Variants in STMP1 observed in about 807,000 individuals in gnomAD.
STMP1 encodes the protein short transmembrane mitochondrial protein 1, also known as mitolamban.
A neutral mutation model predicts 7.0 loss-of-function variants in STMP1; 7 were observed. That is an observed-to-expected ratio of 1.01 (90% CI 0.57 to 1.89). The LOEUF is 1.89. STMP1 is among the 40% of genes most tolerant of loss of function. The probability of loss-of-function intolerance (pLI) is 0.00; values close to 1 mark genes in which losing one functional copy is unlikely to be tolerated. For synonymous variants in STMP1, 19 were observed against 18.4 expected (o/e 1.03, Z -0.08); for missense variants, 45 against 53.0 (o/e 0.85, Z 0.47).
chr7:135,665,410 G>A (rs1795281683), intron 1 of STMP1, among the ~76,000 whole-genome samples: 1 of 152,006 alleles, frequency 6.6e-6, no homozygotes, highest in African/African-American at 2.4e-5. Flanking sequence ...CCTTGTTCCT[G>A]TGATTTTCCC....
At position 135,672,808 on chromosome 7, in the gene STMP1, T is replaced by G; in HGVS notation, c.69+2T>G. ...ATGTATCTGGCTCAGAACTATGATG[T>G]AAGTGGCCATATCCATGACTTCCTT... On this transcript the variant is annotated splice_donor_variant, in intron 2 of 2. Transcript: ENST00000507606. LOFTEE classifies it high-confidence loss of function. 6.4e-7 allele frequency: 1 copy of G among 1,550,640 alleles called. No homozygotes were observed. Among genetic ancestry groups the G allele is most frequent in the Non-Finnish European group, 8.7e-7 (1 of 1,146,004 alleles).
chr7:135,669,662 C>T (rs1402062695), intron 1 of STMP1, among the ~76,000 whole-genome samples: 2 of 152,146 alleles, frequency 1.3e-5, no homozygotes, highest in Non-Finnish European at 2.9e-5. Flanking sequence ...CTTAACACCC[C>T]CAGCAGCATC....
intron 1 of STMP1, among the ~76,000 whole-genome samples, chr7:135,664,299 AGAAT>A: frequency 6.6e-6 from 1 of 151,828 alleles, no homozygotes; most frequent in Non-Finnish European, 1.5e-5. Context: ...GTGGTTTTGC[AGAAT>A]GAGTCTATTT....
At chr7:135,662,651 T>C in intron 1 of STMP1, 57 bp downstream of exon 1, 1 of 1,533,838 alleles carries the variant, frequency 6.5e-7, no homozygotes. Flanking sequence ...TCGGACCCCA[T>C]TTCCCCCTTG....
chr7:135,666,600 C>A (rs1326047597), intron 1 of STMP1, among the ~76,000 whole-genome samples: 2 of 152,156 alleles, frequency 1.3e-5, no homozygotes, highest in African/African-American at 2.4e-5. Flanking sequence ...CCTCTGCCTC[C>A]CAAAGTGCTG....
At chr7:135,663,866 G>A (rs757453387) in intron 1 of STMP1, among the ~76,000 whole-genome samples, 13 of 151,824 alleles carry the variant, frequency 8.6e-5, no homozygotes, top group Non-Finnish European at 1.8e-4. Flanking sequence ...GGATGGTCTC[G>A]ATCTCCTGAC....
chr7:135,666,865 G>A (rs1041885889), intron 1 of STMP1, among the ~76,000 whole-genome samples: 23 of 152,312 alleles, frequency 1.5e-4, no homozygotes, highest in African/African-American at 5.5e-4. Context: ...ATGTATTTCA[G>A]TTCTGTTGAG....
At position 135,674,601 on chromosome 7, in the gene STMP1, T is replaced by C. The variant is rs141367734; in HGVS notation, c.*436T>C. The C allele has an allele frequency of 3.4e-4, 53 of 153,994 alleles. 1 individual carries two copies. The highest frequency in any genetic ancestry group is 4.0e-4 in the Non-Finnish European group (28 of 69,224). The allele number at this position is 153,994 out of a possible 1,614,324, so 9.5% of individuals were successfully genotyped here. A position where few individuals can be genotyped will look rare whatever the true frequency, so the allele number is the denominator to read the frequency against. ...TTAAACATTTGGTACTAAATTATGT[T>C]GCTGCAAAGTAATTAAAATTAGTAT... On this transcript the variant is annotated 3_prime_UTR_variant, in exon 3 of 3. Transcript: ENST00000507606.
chr7:135,675,334 A>T lies in STMP1; in HGVS notation c.*1169A>T, dbSNP rs537453635. 131 of 151,934 alleles carry T rather than the reference A, an allele frequency of 8.6e-4. No individual in the cohort carries two copies. Among genetic ancestry groups the T allele is most frequent in the African/African-American group, 3.0e-3 (123 of 41,498 alleles). The allele number at this position is 151,934 out of a possible 1,614,324, so 9.4% of individuals were successfully genotyped here. On this transcript the variant is annotated 3_prime_UTR_variant, in exon 3 of 3. Coordinates refer to ENST00000507606, the MANE Select transcript of STMP1 (RefSeq NM_001130929.2). ...ACAAACACGTGTAACACAAATAGTA[A>T]CTATACATGGAGGTCTAGCCCTCGC...
rs1795399339 is a variant in STMP1 at position 135,675,251 on chromosome 7, T to A, written c.*1086T>A. ...CCTGTTCTCTGGCTCCTGGCTCCTG[T>A]TTGACAAGTTACTGTTACCACTTCG... On this transcript the variant is annotated 3_prime_UTR_variant, in exon 3 of 3. Coordinates refer to ENST00000507606, the MANE Select transcript of STMP1 (RefSeq NM_001130929.2). 1 of 152,230 alleles carries A rather than the reference T, an allele frequency of 6.6e-6. No homozygotes were observed. Among genetic ancestry groups the A allele is most frequent in the African/African-American group, 2.4e-5 (1 of 41,466 alleles). The allele number at this position is 152,230 out of a possible 1,614,324, so 9.4% of individuals were successfully genotyped here.
chr7:135,674,974 A>T lies in STMP1; in HGVS notation c.*809A>T, dbSNP rs886796285. 3 of 152,180 alleles carry T rather than the reference A, an allele frequency of 2.0e-5. No individual in the cohort carries two copies. The highest frequency in any genetic ancestry group is 7.2e-5 in the African/African-American group (3 of 41,438). The allele number at this position is 152,180 out of a possible 1,614,324, so 9.4% of individuals were successfully genotyped here. A position where few individuals can be genotyped will look rare whatever the true frequency, so the allele number is the denominator to read the frequency against. On this transcript the variant is annotated 3_prime_UTR_variant, in exon 3 of 3. Coordinates refer to ENST00000507606, the MANE Select transcript of STMP1 (RefSeq NM_001130929.2). ...CCTTTTCACATTAAAAAAGGTATTT[A>T]TATTATTACTTTGTAGTGATTGTCT...
Position 135,674,330 on chromosome 7 carries a change from T to C in STMP1, c.*165T>C, listed in dbSNP as rs1795387765. On this transcript the variant is annotated 3_prime_UTR_variant, in exon 3 of 3. Coordinates refer to ENST00000507606, the MANE Select transcript of STMP1 (RefSeq NM_001130929.2). ...TAAAGCAAGCAAAATGGGGCCCCAATTTGAGAACTACCCGACATTTCCAAC... is the reference window on the plus strand; with the variant it reads ...TAAAGCAAGCAAAATGGGGCCCCAACTTGAGAACTACCCGACATTTCCAAC... The C allele has an allele frequency of 7.0e-6, 4 of 568,236 alleles. No homozygotes were observed. The South Asian group carries it at 7.8e-5, about 11-fold the overall frequency. 35.2% of individuals were successfully genotyped at this position (568,236 alleles called of 1,614,324 possible).
At chr7:135,662,680 G>T in intron 1 of STMP1, 86 bp downstream of exon 1, 2 of 1,468,274 alleles carry the variant, frequency 1.4e-6, no homozygotes, top group South Asian at 1.3e-5. Context: ...CGACCCCGCC[G>T]ACCCGGCCTG....
At chr7:135,663,537 T>G (rs1209966785) in intron 1 of STMP1, among the ~76,000 whole-genome samples, 1 of 151,890 alleles carries the variant, frequency 6.6e-6, no homozygotes, top group African/African-American at 2.4e-5. Flanking sequence ...TAGAGACGGG[T>G]TTCACCAAGT....
chr7:135,662,684 C>T (rs1006610692), intron 1 of STMP1, 90 bp downstream of exon 1: 6 of 1,454,674 alleles, frequency 4.1e-6, no homozygotes, highest in Admixed American at 4.4e-5. Flanking sequence ...CCCGCCGACC[C>T]GGCCTGGGCG....
Position 135,662,571 on chromosome 7 carries a change from A to G in STMP1, c.-9A>G, listed in dbSNP as rs1167801149. 3 of 1,546,428 alleles carry G rather than the reference A, an allele frequency of 1.9e-6. No individual in the cohort carries two copies. The highest frequency in any genetic ancestry group is 2.4e-5 in the South Asian group (2 of 83,806). ...CCTTCGCGCCCTCCTCGCCCTCCCC[A>G]CCGACATCATGCTCCAGTTCCTGGT... On this transcript the variant is annotated 5_prime_UTR_variant, in exon 1 of 3. Coordinates refer to ENST00000507606, the MANE Select transcript of STMP1 (RefSeq NM_001130929.2).
chr7:135,675,621 T>C lies in STMP1; in HGVS notation c.*1456T>C, dbSNP rs779346867. The C allele has an allele frequency of 1.5e-4, 23 of 152,300 alleles. No individual in the cohort carries two copies. Among genetic ancestry groups the C allele is most frequent in the Admixed American group, 2.6e-4 (4 of 15,292 alleles). 9.4% of individuals were successfully genotyped at this position (152,300 alleles called of 1,614,324 possible). A position where few individuals can be genotyped will look rare whatever the true frequency, so the allele number is the denominator to read the frequency against. Reference sequence around the variant, plus strand: ...AAGTATAATTTAGACTAAATACAAATACCCATTTCGCTAGCTGTTTTGTTT... The same window carrying C: ...AAGTATAATTTAGACTAAATACAAACACCCATTTCGCTAGCTGTTTTGTTT... On this transcript the variant is annotated 3_prime_UTR_variant, in exon 3 of 3. Transcript: ENST00000507606.
intron 1 of STMP1, among the ~76,000 whole-genome samples, chr7:135,667,611 ATATTT>A (rs1237925202): frequency 6.6e-6 from 1 of 152,122 alleles, no homozygotes; most frequent in Non-Finnish European, 1.5e-5. Context: ...ATATTTGAAA[ATATTT>A]TATCTCATTC....
At chr7:135,664,045 G>A (rs946797751) in intron 1 of STMP1, among the ~76,000 whole-genome samples, 9 of 152,252 alleles carry the variant, frequency 5.9e-5, no homozygotes, top group African/African-American at 2.2e-4. Flanking sequence ...AGTCAAAAGA[G>A]TGTCCTTAAT....
Sources: allele counts gnomAD v4.1 joint callset (sites outside exome capture counted in the v4.1 genomes callset), GRCh38; gene constraint gnomAD v4.1.1; transcripts MANE v1.5; gene names NCBI Gene and HGNC (gene_info 2026-07-23, HGNC 2026-07-21).